The following RBBP8 variants were observed in gnomAD, a reference collection of about 807,000 sequenced individuals.
RBBP8 encodes RB binding protein 8, endonuclease.
Under a neutral mutation model 108.3 loss-of-function variants are expected in RBBP8, and 88 were observed. The observed-to-expected ratio is 0.81, with a 90% CI of 0.68 to 0.97. The LOEUF (loss-of-function observed/expected upper bound fraction) is 0.97, where lower values mean the gene tolerates loss of function less well. RBBP8 is among the 50% of genes least tolerant of loss of function. The pLI, the probability that RBBP8 is intolerant of heterozygous loss-of-function variation, is 0.00. For missense variants in RBBP8, 1,023 were observed against 1,049.0 expected (o/e 0.98, Z 0.34); for synonymous variants, 332 against 348.2 (o/e 0.95, Z 0.52).
intron 5 of RBBP8, among the ~76,000 whole-genome samples, chr18:22,973,593 A>G (rs72887659): frequency 0.014 from 2,149 of 152,256 alleles, 22 homozygotes; most frequent in Non-Finnish European, 0.021. Flanking sequence ...TTCTTCTCAC[A>G]TTGGTATATG....
intron 6 of RBBP8, among the ~76,000 whole-genome samples, chr18:22,978,835 A>G (rs913079832): frequency 6.6e-6 from 1 of 152,358 alleles, no homozygotes; most frequent in Non-Finnish European, 1.5e-5. Context: ...TAGATTTTAA[A>G]TGTTTTTACT....
Position 22,933,459 on chromosome 18 carries a change from G to A in RBBP8, c.-204G>A, listed in dbSNP as rs1368625750. ...CACCGAGGATTTGGCACTCTGGTGAGGGAAAAGGGCGAAAGAGAAAAGCGA... is the reference window on the plus strand; with the variant it reads ...CACCGAGGATTTGGCACTCTGGTGAAGGAAAAGGGCGAAAGAGAAAAGCGA... On this transcript the variant is annotated 5_prime_UTR_variant, in exon 1 of 19. Transcript: ENST00000327155. 1 of 154,314 alleles carries A rather than the reference G, an allele frequency of 6.5e-6. No individual in the cohort carries two copies. Among genetic ancestry groups the A allele is most frequent in the African/African-American group, 2.4e-5 (1 of 41,516 alleles). The allele number at this position is 154,314 out of a possible 1,614,324, so 9.6% of individuals were successfully genotyped here.
rs371116260 is a variant in RBBP8 at position 23,026,201 on chromosome 18, C to T, written c.2655C>T (p.Asn885=). ...CPRPKRRQPY[N]AIFSPKGKEQ... is the part of the protein sequence containing the mutation. ...GTCCAAAAAGACGTCAGCCTTACAA[C>T]GCAATATTTTCTCCAAAAGGCAAGG... Residue 885 remains asparagine (N), a synonymous_variant, in exon 19 of 19, where the codon AAC becomes AAT. Coordinates refer to ENST00000327155, the MANE Select transcript of RBBP8 (RefSeq NM_002894.3). 42 of 1,613,626 alleles carry T rather than the reference C, an allele frequency of 2.6e-5. No homozygotes were observed. Among genetic ancestry groups the T allele is most frequent in the South Asian group, 5.5e-5 (5 of 91,062 alleles).
intron 17 of RBBP8, among the ~76,000 whole-genome samples, chr18:23,019,847 C>T (rs1207270823): frequency 2.6e-5 from 4 of 151,016 alleles, no homozygotes; most frequent in African/African-American, 4.9e-5. Context: ...CTGCAAGCTC[C>T]GCCTCCTGGG....
chr18:23,001,429 G>A, intron 14 of RBBP8, 157 bp from the exon 15 acceptor site: 1 of 792,752 alleles, frequency 1.3e-6, no homozygotes, highest in Non-Finnish European at 2.1e-6. Flanking sequence ...ACTAAGCTCA[G>A]TACCCAATAT....
chr18:22,982,531 T>G (rs575172399), intron 7 of RBBP8, 138 bp downstream of exon 7: 12 of 1,513,210 alleles, frequency 7.9e-6, no homozygotes, highest in Admixed American at 3.8e-5. Flanking sequence ...GTTTAACTTC[T>G]ATTTGTAAAG....
At position 22,997,638 on chromosome 18, in the gene RBBP8, T is replaced by G. The variant is rs748581499; in HGVS notation, c.2047T>G (p.Leu683Val). ...TATTTAGGATGGCAGTCAGTCAAAA[T>G]TAGGAGGAGAGACAGTGGACATGGA... ...IDTKDGSQSK[L>V]GGETVDMDCT... Residue 683 changes from leucine (L) to valine (V), a missense_variant, in exon 14 of 19, where the codon TTA (leucine) becomes GTA (valine). Transcript: ENST00000327155. 1.2e-6 allele frequency: 2 copies of G among 1,605,354 alleles called. No individual in the cohort carries two copies. Among genetic ancestry groups the G allele is most frequent in the East Asian group, 2.2e-5 (1 of 44,596 alleles).
intron 2 of RBBP8, among the ~76,000 whole-genome samples, chr18:22,938,583 C>T (rs1353803374): frequency 1.3e-5 from 2 of 152,126 alleles, no homozygotes; most frequent in Non-Finnish European, 2.9e-5. Context: ...TTGTATACAA[C>T]TTGCTGTTAT....
At chr18:23,023,636 A>G (rs1304535148) in intron 18 of RBBP8, among the ~76,000 whole-genome samples, 1 of 152,146 alleles carries the variant, frequency 6.6e-6, no homozygotes, top group Non-Finnish European at 1.5e-5. Flanking sequence ...TCTGTGCTCA[A>G]GCTAGGACTA....
rs1360352602 is a variant in RBBP8 at position 22,985,121 on chromosome 18, A to ACTAT, written c.709+134_709+137dup. On this transcript the variant is annotated intron_variant, in intron 8 of 18. Transcript: ENST00000327155. ...ATAATTTTGTTTATATTACTAGTTT[A>ACTAT]CTATCTTTTTCATATTGGAAAGTAA... 217 of 1,243,078 alleles carry ACTAT rather than the reference A, an allele frequency of 1.7e-4. 2 individuals are homozygous for ACTAT. In the South Asian group the frequency reaches 2.7e-3, roughly 16 times the overall value. 77.0% of individuals were successfully genotyped at this position (1,243,078 alleles called of 1,614,324 possible).
At chr18:23,005,894 G>A (rs1347170933) in intron 15 of RBBP8, among the ~76,000 whole-genome samples, 1 of 151,958 alleles carries the variant, frequency 6.6e-6, no homozygotes, top group African/African-American at 2.4e-5. Flanking sequence ...AAAGAAAAAA[G>A]TAGTTGCAGA....
intron 1 of RBBP8, chr18:22,934,363 A>AT (rs1306633553): frequency 2.0e-5 from 3 of 152,176 alleles, no homozygotes; most frequent in African/African-American, 7.2e-5. Context: ...TTGAAGATAG[A>AT]TACGTAAAGG....
At chr18:22,981,261 C>T (rs1598700896) in intron 6 of RBBP8, among the ~76,000 whole-genome samples, 2 of 152,168 alleles carry the variant, frequency 1.3e-5, no homozygotes, top group Non-Finnish European at 2.9e-5. Context: ...TGAGCCACCG[C>T]GCCCGGCCCC....
In RBBP8 at chr18:22,990,956, G is replaced by GC. The variant is rs1915645581; in HGVS notation, c.832dup (p.Leu278ProfsTer3). The GC allele has an allele frequency of 6.2e-7, 1 of 1,613,416 alleles. No homozygotes were observed. The highest frequency in any genetic ancestry group is 1.3e-5 in the African/African-American group (1 of 74,894). On this transcript the variant is annotated frameshift_variant, in exon 10 of 19. Transcript: ENST00000327155. LOFTEE classifies it high-confidence loss of function. Reference sequence around the variant, plus strand: ...TTGAAGGAAACTCAAGGTCCCATGAGCCCCCTTGGTGATGAGCTCTACCAC... The same window carrying GC: ...TTGAAGGAAACTCAAGGTCCCATGAGCCCCCCTTGGTGATGAGCTCTACCAC...
chr18:22,982,253 G>A lies in RBBP8; in HGVS notation c.464G>A (p.Cys155Tyr), dbSNP rs113432241. 6.2e-7 allele frequency: 1 copy of A among 1,614,108 alleles called. No homozygotes were observed. Among genetic ancestry groups the A allele is most frequent in the South Asian group, 1.1e-5 (1 of 91,082 alleles). Reference sequence around the variant, plus strand: ...CAGCATCAAGCAGCTGAGCTTGAATGTGAGGAAGACGTTATTCCAGATTCA... The same window carrying A: ...CAGCATCAAGCAGCTGAGCTTGAATATGAGGAAGACGTTATTCCAGATTCA... ...DQQHQAAELE[C>Y]EEDVIPDSPI... The change falls in exon 7 of 19, where the codon TGT (cysteine) becomes TAT (tyrosine). Residue 155 changes from cysteine to tyrosine, a missense_variant. By Grantham distance (194) the Cys-to-Tyr change is radical (BLOSUM62 -2). Transcript: ENST00000327155.
At chr18:22,919,045 G>A (rs1161286386) in intron 3 of RBBP8, among the ~76,000 whole-genome samples, 1 of 152,196 alleles carries the variant, frequency 6.6e-6, no homozygotes, top group Non-Finnish European at 1.5e-5. Flanking sequence ...TGAGCAGAGT[G>A]AGTCCAAAAT....
Position 22,946,503 on chromosome 18 carries a change from A to G in RBBP8, c.152+17A>G, listed in dbSNP as rs561034597. On this transcript the variant is annotated intron_variant, in intron 3 of 18. Coordinates refer to ENST00000327155, the MANE Select transcript of RBBP8 (RefSeq NM_002894.3). ...ACGAATCTTGTAAGTATCAGTATGT[A>G]ATACTCATGTGTTATTTATAGAGTA... 3.7e-5 allele frequency: 60 copies of G among 1,612,084 alleles called. 2 individuals carry two copies. In the South Asian group the frequency reaches 6.3e-4, roughly 17 times the overall value.
intron 16 of RBBP8, among the ~76,000 whole-genome samples, chr18:23,013,911 TG>T (rs2046212874): frequency 6.6e-6 from 1 of 152,234 alleles, no homozygotes; most frequent in Admixed American, 6.5e-5. Flanking sequence ...TCATAATTTT[TG>T]CAAAGGTGAC....
chr18:23,004,077 A>AC (rs2045995579), intron 15 of RBBP8, among the ~76,000 whole-genome samples: 1 of 150,936 alleles, frequency 6.6e-6, no homozygotes, highest in East Asian at 1.9e-4. Flanking sequence ...AAAAAAAAAA[A>AC]AAAAAACTAA....
Sources: allele counts gnomAD v4.1 joint callset (sites outside exome capture counted in the v4.1 genomes callset), GRCh38; gene constraint gnomAD v4.1.1; transcripts MANE v1.5; gene names NCBI Gene and HGNC (gene_info 2026-07-23, HGNC 2026-07-21).